The following MAP3K13 variants were observed in gnomAD, a reference collection of about 807,000 sequenced individuals.
The protein encoded by MAP3K13 is mitogen-activated protein kinase kinase kinase 13, also known as leucine zipper-bearing kinase.
MAP3K13 carries 52 observed loss-of-function variants against 104.0 expected under a neutral mutation model. The observed-to-expected ratio is 0.50, with a 90% CI of 0.40 to 0.63. The LOEUF (loss-of-function observed/expected upper bound fraction) is 0.63, where lower values mean the gene tolerates loss of function less well. Among genes scored for constraint, MAP3K13 ranks in the 20% least tolerant of loss-of-function variants. The pLI, the probability that MAP3K13 is intolerant of heterozygous loss-of-function variation, is 0.00. For missense variants in MAP3K13, 914 were observed against 1,218.5 expected (o/e 0.75, Z 3.72); for synonymous variants, 394 against 442.2 (o/e 0.89, Z 1.37).
chr3:185,290,178 C>T (rs779066120), intron 2 of MAP3K13, among the ~76,000 whole-genome samples: 2 of 151,700 alleles, frequency 1.3e-5, no homozygotes, highest in African/African-American at 2.4e-5. Context: ...ATAGTTTTAG[C>T]GTAAGTTCAA....
intron 1 of MAP3K13, among the ~76,000 whole-genome samples, chr3:185,395,749 G>GTC (rs1712375158): frequency 6.6e-6 from 1 of 151,082 alleles, no homozygotes; most frequent in Non-Finnish European, 1.5e-5. Context: ...CAGTGGTGCA[G>GTC]TCTCGGCTTT....
intron 1 of MAP3K13, among the ~76,000 whole-genome samples, chr3:185,402,720 G>C (rs750530327): frequency 1.3e-5 from 2 of 152,150 alleles, no homozygotes; most frequent in South Asian, 4.1e-4. Flanking sequence ...TGGACTCTGA[G>C]TGTGCATATA....
chr3:185,471,141 G>A (rs1717751219), intron 10 of MAP3K13, among the ~76,000 whole-genome samples: 1 of 152,096 alleles, frequency 6.6e-6, no homozygotes, highest in Admixed American at 6.6e-5. Context: ...TTATGGTGGA[G>A]GAGGACTCTC....
chr3:185,470,195 T>A (rs1375168713), intron 10 of MAP3K13, among the ~76,000 whole-genome samples: 1 of 152,228 alleles, frequency 6.6e-6, no homozygotes. Context: ...GCCCATCACC[T>A]GTAAAATTTC....
chr3:185,460,528 G>A (rs1016343518), intron 7 of MAP3K13, among the ~76,000 whole-genome samples: 8 of 152,132 alleles, frequency 5.3e-5, no homozygotes, highest in East Asian at 1.9e-4. Context: ...GAGCTTCCTC[G>A]ATAGCTGTGC....
chr3:185,384,503 T>C (rs1477655965), intron 1 of MAP3K13, among the ~76,000 whole-genome samples: 2 of 152,234 alleles, frequency 1.3e-5, no homozygotes, highest in Non-Finnish European at 2.9e-5. Flanking sequence ...TGCTGGATCA[T>C]ATGGTAGTTC....
rs1199414647 is a variant in MAP3K13 at position 185,455,926 on chromosome 3, ATG to A, written c.1278+4533_1278+4534del. Among the ~76,000 whole-genome samples, 6 of 138,740 alleles carry A rather than the reference ATG, an allele frequency of 4.3e-5. No homozygotes were observed. In the Admixed American group the frequency reaches 4.5e-4, roughly 10 times the overall value. The allele number at this position is 138,740 out of a possible 152,430, so 91.0% of individuals were successfully genotyped here. ...ATATGATATAGATGAGATATATATG[ATG>A]TATATATGAGATATATATATGATGT... On this transcript the variant is annotated intron_variant, in intron 7 of 13. Transcript: ENST00000265026.
intron 2 of MAP3K13, among the ~76,000 whole-genome samples, chr3:185,350,509 T>C (rs1007167041): frequency 2.0e-5 from 3 of 152,140 alleles, no homozygotes; most frequent in Non-Finnish European, 4.4e-5. Context: ...TTTATGACCA[T>C]TGTCACTTAT....
At chr3:185,456,903 CT>C (rs1405607019) in intron 7 of MAP3K13, among the ~76,000 whole-genome samples, 3 of 152,068 alleles carry the variant, frequency 2.0e-5, no homozygotes, top group Non-Finnish European at 4.4e-5. Flanking sequence ...GCACAGCCAA[CT>C]TTGCTTCCTT....
intron 2 of MAP3K13, among the ~76,000 whole-genome samples, chr3:185,297,625 C>G (rs910500166): frequency 6.6e-6 from 1 of 151,836 alleles, no homozygotes; most frequent in Non-Finnish European, 1.5e-5. Flanking sequence ...ATCCCAGCTA[C>G]TCGGGAGACT....
rs933901107 is a variant in MAP3K13, at chr3:185,400,274, G to T, written c.-85-28223G>T. Among the ~76,000 whole-genome samples, 33 of 152,140 alleles carry T rather than the reference G, an allele frequency of 2.2e-4. 1 individual carries two copies. Among genetic ancestry groups the T allele is most frequent in the Non-Finnish European group, 8.8e-5 (6 of 68,032 alleles). On this transcript the variant is annotated intron_variant, in intron 1 of 13. Coordinates refer to ENST00000265026, the MANE Select transcript of MAP3K13 (RefSeq NM_004721.5). ...TGCGTCTGCGCACCCTGCCCCTCTG[G>T]ATGATATTCTCCATACCCCTTCCCT...
At chr3:185,365,951 C>CCCTTCCTT (rs541488644) in intron 1 of MAP3K13, among the ~76,000 whole-genome samples, 11 of 69,470 alleles carry the variant, frequency 1.6e-4, no homozygotes, top group Non-Finnish European at 2.3e-4. Context: ...CTCCCTCCCT[C>CCCTTCCTT]CCTTCCTTCC....
intron 1 of MAP3K13, among the ~76,000 whole-genome samples, chr3:185,377,623 C>T (rs572870896): frequency 1.6e-4 from 24 of 152,296 alleles, no homozygotes; most frequent in African/African-American, 5.3e-4. Context: ...AGAAGCCTGG[C>T]CGTCAATACC....
intron 1 of MAP3K13, among the ~76,000 whole-genome samples, chr3:185,372,381 A>T (rs1223107440): frequency 6.6e-6 from 1 of 152,220 alleles, no homozygotes; most frequent in Non-Finnish European, 1.5e-5. Context: ...AAAAAATAAT[A>T]GATCATTTGC....
At chr3:185,434,179 TA>T (rs1288607362) in intron 2 of MAP3K13, among the ~76,000 whole-genome samples, 1 of 152,148 alleles carries the variant, frequency 6.6e-6, no homozygotes, top group African/African-American at 2.4e-5. Context: ...AAAAGGCTTA[TA>T]AAAATATTCT....
intron 2 of MAP3K13, among the ~76,000 whole-genome samples, chr3:185,344,050 C>A (rs1228563141): frequency 2.6e-5 from 4 of 152,198 alleles, no homozygotes; most frequent in Non-Finnish European, 5.9e-5. Context: ...TGCATGTGTT[C>A]ATTCATTTAG....
At chr3:185,319,101 T>C (rs1355575827) in intron 2 of MAP3K13, among the ~76,000 whole-genome samples, 3 of 152,218 alleles carry the variant, frequency 2.0e-5, no homozygotes, top group African/African-American at 7.2e-5. Flanking sequence ...CTATTGTATG[T>C]CTTTTTCTGG....
chr3:185,360,909 C>T (rs890362036), upstream of MAP3K13, among the ~76,000 whole-genome samples: 2 of 146,876 alleles, frequency 1.4e-5, no homozygotes, highest in African/African-American at 2.5e-5. Flanking sequence ...TCACTGCAAC[C>T]TCTGCCTCCC....
intron 2 of MAP3K13, among the ~76,000 whole-genome samples, chr3:185,287,885 A>C (rs1465798335): frequency 6.6e-6 from 1 of 152,070 alleles, no homozygotes; most frequent in Non-Finnish European, 1.5e-5. Flanking sequence ...AAAATACAAA[A>C]AATTAGCTGG....
Sources: allele counts gnomAD v4.1 joint callset (sites outside exome capture counted in the v4.1 genomes callset), GRCh38; gene constraint gnomAD v4.1.1; transcripts MANE v1.5; gene names NCBI Gene and HGNC (gene_info 2026-07-23, HGNC 2026-07-21).